Variants in CRY1 observed in about 807,000 individuals in gnomAD.
The protein encoded by CRY1 is cryptochrome circadian regulator 1.
In CRY1, 45 loss-of-function variants were observed where a neutral mutation model predicts 76.0. The ratio of observed to expected loss-of-function variants is 0.59; its 90% confidence interval spans 0.47 to 0.76. CRY1 has a LOEUF of 0.76. CRY1 is among the 30% of genes least tolerant of loss of function. CRY1 has a pLI of 0.00. For synonymous variants in CRY1, 248 were observed against 244.0 expected (o/e 1.02, Z -0.15); for missense variants, 587 against 716.4 (o/e 0.82, Z 2.06).
chr12:107,061,025 T>C (rs1953040104), intron 1 of CRY1, among the ~76,000 whole-genome samples: 1 of 152,062 alleles, frequency 6.6e-6, no homozygotes, highest in South Asian at 2.1e-4. Context: ...TTACTGAGAT[T>C]CCCAAAAAGC....
intron 2 of CRY1, among the ~76,000 whole-genome samples, chr12:107,010,559 AC>A (rs1952433148): frequency 2.0e-5 from 3 of 152,072 alleles, no homozygotes; most frequent in African/African-American, 7.2e-5. Context: ...ATCAATTCTC[AC>A]AGTATTTCAA....
At chr12:107,071,077 T>C (rs895739136) in intron 1 of CRY1, among the ~76,000 whole-genome samples, 3 of 152,250 alleles carry the variant, frequency 2.0e-5, no homozygotes, top group Middle Eastern at 3.4e-3. Context: ...AATATTGTCC[T>C]AAAAACAGCA....
rs778579222 is a variant in CRY1 at position 107,001,305 on chromosome 12, C to T, written c.659G>A (p.Arg220His). Residue 220 changes from arginine (R) to histidine (H), a missense_variant, in exon 5 of 13, where the codon CGT becomes CAT. Physicochemically the swap from Arg to His is conservative, Grantham distance 29. Transcript: ENST00000008527. ...WPGGETEALT[R>H]LERHLERKAW... The stretch of plus-strand genomic sequence containing the variant: ...TTTTCTTTCCAAATGCCTTTCCAAA[C>T]GAGTAAGTGCTTCAGTTTCTCCACC... 4 of 1,613,548 alleles carry T rather than the reference C, an allele frequency of 2.5e-6. No individual in the cohort carries two copies. Among genetic ancestry groups the T allele is most frequent in the Admixed American group, 1.7e-5 (1 of 60,010 alleles).
intron 7 of CRY1, 27 bp from the exon 8 acceptor site, chr12:106,998,093 T>C: frequency 1.2e-6 from 2 of 1,612,334 alleles, no homozygotes; most frequent in Non-Finnish European, 1.7e-6. Context: ...AACCAATTAG[T>C]TTGCACACAC....
chr12:107,016,023 T>TC (rs1952494248), intron 2 of CRY1, among the ~76,000 whole-genome samples: 1 of 152,186 alleles, frequency 6.6e-6, no homozygotes, highest in Non-Finnish European at 1.5e-5. Context: ...GAATATAAAG[T>TC]TCTTGGCTGG....
intron 2 of CRY1, among the ~76,000 whole-genome samples, chr12:107,005,511 T>C (rs2136826871): frequency 6.6e-6 from 1 of 152,364 alleles, no homozygotes; most frequent in East Asian, 1.9e-4. Flanking sequence ...TAAATGTGTT[T>C]GTAGAGCACT....
In CRY1 at chr12:106,999,548, T is replaced by TA. The variant is rs1485690572; in HGVS notation, c.1137+2dup. 1 of 1,607,066 alleles carries TA rather than the reference T, an allele frequency of 6.2e-7. No homozygotes were observed. Among genetic ancestry groups the TA allele is most frequent in the East Asian group, 2.2e-5 (1 of 44,868 alleles). Reference sequence around the variant, plus strand: ...GGCATGCTATATCAGTTAGAACACTTACCTTCATTCCTTCTTCCCAACTAA... The same window carrying TA: ...GGCATGCTATATCAGTTAGAACACTTAACCTTCATTCCTTCTTCCCAACTAA... On this transcript the variant is annotated splice_region_variant and intron_variant, in intron 7 of 12. Transcript: ENST00000008527.
chr12:107,026,301 A>G (rs2136850991), intron 1 of CRY1, among the ~76,000 whole-genome samples: 1 of 149,934 alleles, frequency 6.7e-6, no homozygotes, highest in East Asian at 2.0e-4. Flanking sequence ...GCACGATCTC[A>G]GCTCACTGCA....
chr12:107,013,834 T>C (rs1370998499), intron 2 of CRY1, among the ~76,000 whole-genome samples: 1 of 152,242 alleles, frequency 6.6e-6, no homozygotes, highest in Non-Finnish European at 1.5e-5. Flanking sequence ...AATAGCTTAT[T>C]AATACTTTTA....
In CRY1 at chr12:107,005,192, T is replaced by C; in HGVS notation, c.324A>G (p.Glu108=). The change falls in exon 3 of 13, where the codon GAA becomes GAG. Residue 108 remains glutamate (E), a synonymous_variant. Transcript: ENST00000008527. ...IEYDSEPFGK[E]RDAAIKKLAT... is the part of the protein sequence containing the mutation. ...CCAGTTTCTTAATAGCTGCGTCTCGTTCCTTTCCAAAGGGCTCAGAATCAT... is the reference window on the plus strand; with the variant it reads ...CCAGTTTCTTAATAGCTGCGTCTCGCTCCTTTCCAAAGGGCTCAGAATCAT... The C allele has an allele frequency of 1.2e-6, 2 of 1,613,736 alleles. No individual in the cohort carries two copies. The highest frequency in any genetic ancestry group is 2.2e-5 in the East Asian group (1 of 44,834).
At chr12:107,037,641 T>C (rs956582437) in intron 1 of CRY1, among the ~76,000 whole-genome samples, 5 of 152,278 alleles carry the variant, frequency 3.3e-5, no homozygotes, top group East Asian at 3.9e-4. Flanking sequence ...TGGGAACTCA[T>C]TGAAAGCTTT....
chr12:107,005,289 T>C (rs1452065513), intron 2 of CRY1, 41 bp from the exon 3 acceptor site: 8 of 1,539,900 alleles, frequency 5.2e-6, no homozygotes, highest in East Asian at 2.3e-5. Context: ...CCAATTGTAA[T>C]AGTTATTTTT....
At chr12:107,035,440 T>C (rs1365456608) in intron 1 of CRY1, among the ~76,000 whole-genome samples, 47 of 152,324 alleles carry the variant, frequency 3.1e-4, no homozygotes, top group Non-Finnish European at 2.9e-5. Context: ...TAGATGATAA[T>C]TATGATGATA....
chr12:107,093,097 A>T lies in CRY1; in HGVS notation c.-136T>A, dbSNP rs1460423178. On this transcript the variant is annotated 5_prime_UTR_variant, in exon 1 of 13. Transcript: ENST00000008527. ...GGCGGCAGAGGGGGAACAGGAAAAAATGACTCCGAGGAGGGGACCGGAGAA... is the reference window on the plus strand; with the variant it reads ...GGCGGCAGAGGGGGAACAGGAAAAATTGACTCCGAGGAGGGGACCGGAGAA... The T allele has an allele frequency of 1.8e-6, 2 of 1,082,750 alleles. No individual in the cohort carries two copies. Among genetic ancestry groups the T allele is most frequent in the African/African-American group, 3.2e-5 (2 of 61,800 alleles). 67.1% of individuals were successfully genotyped at this position (1,082,750 alleles called of 1,614,324 possible). A position where few individuals can be genotyped will look rare whatever the true frequency, so the allele number is the denominator to read the frequency against.
At chr12:107,070,867 A>T (rs1953182353) in intron 1 of CRY1, among the ~76,000 whole-genome samples, 1 of 135,268 alleles carries the variant, frequency 7.4e-6, no homozygotes, top group Non-Finnish European at 1.6e-5. Flanking sequence ...TGCCTGGCTA[A>T]TTTTTTTTTT....
intron 1 of CRY1, among the ~76,000 whole-genome samples, chr12:107,088,725 T>C (rs541444614): frequency 3.3e-5 from 5 of 152,344 alleles, no homozygotes; most frequent in Non-Finnish European, 7.3e-5. Context: ...CATTCACAAA[T>C]GAGGGCAGCA....
Position 106,997,949 on chromosome 12 carries a change from C to A in CRY1, c.1255G>T (p.Gly419Cys), listed in dbSNP as rs749074808. 1 of 1,614,000 alleles carries A rather than the reference C, an allele frequency of 6.2e-7. No individual in the cohort carries two copies. The highest frequency in any genetic ancestry group is 8.5e-7 in the Non-Finnish European group (1 of 1,179,938). The change falls in exon 8 of 13, where the codon GGT (glycine) becomes TGT (cysteine). Residue 419 changes from glycine to cysteine, a missense_variant. Gly to Cys is a radical substitution (Grantham distance 159). Coordinates refer to ENST00000008527, the MANE Select transcript of CRY1 (RefSeq NM_004075.5). ...FFHCYCPVGF[G>C]RRTDPNGDYI... is the part of the protein sequence containing the mutation. ...TCTCCATTGGGATCTGTTCTCCTACCAAAACCAACAGGGCAATAGCAGTGA... is the reference window on the plus strand; with the variant it reads ...TCTCCATTGGGATCTGTTCTCCTACAAAAACCAACAGGGCAATAGCAGTGA...
Position 107,001,960 on chromosome 12 carries a change from G to A in CRY1, c.411-12C>T, listed in dbSNP as rs145531967. On this transcript the variant is annotated splice_polypyrimidine_tract_variant and intron_variant, in intron 3 of 12. Transcript: ENST00000008527. ...TGAGTTCTATGATCCTATAACAAGA[G>A]TTAGTAAAATGTAGTTAGTATTAAA... The A allele has an allele frequency of 5.6e-5, 87 of 1,558,608 alleles. No individual in the cohort carries two copies. The East Asian group carries it at 1.8e-3, about 33-fold the overall frequency.
chr12:106,992,072 G>C (rs1952185930), intron 12 of CRY1, 71 bp from the exon 13 acceptor site: 1 of 152,094 alleles, frequency 6.6e-6, no homozygotes, highest in Non-Finnish European at 1.5e-5. Flanking sequence ...AAAATGTGAT[G>C]AGTGTTTATT....
Sources: allele counts gnomAD v4.1 joint callset (sites outside exome capture counted in the v4.1 genomes callset), GRCh38; gene constraint gnomAD v4.1.1; transcripts MANE v1.5; gene names NCBI Gene and HGNC (gene_info 2026-07-23, HGNC 2026-07-21).